Variants in CTNNA3 observed in about 807,000 individuals in gnomAD.
The protein encoded by CTNNA3 is catenin alpha-3.
CTNNA3 carries 76 observed loss-of-function variants against 95.7 expected under a neutral mutation model. The ratio of observed to expected loss-of-function variants is 0.79; its 90% CI spans 0.66 to 0.96. CTNNA3 has a LOEUF of 0.96. Among genes scored for constraint, CTNNA3 ranks in the 40% least tolerant of loss-of-function variants. CTNNA3 has a pLI of 0.00. For synonymous variants in CTNNA3, 431 were observed against 374.4 expected, an observed-to-expected ratio of 1.15 and a Z score of -1.74; for missense variants, 1,191 against 1,089.8, an observed-to-expected ratio of 1.09 and a Z score of -1.31.
intron 13 of CTNNA3, among the ~76,000 whole-genome samples, chr10:66,231,347 T>C (rs72797257): frequency 0.12 from 17,526 of 152,232 alleles, 1,083 homozygotes; most frequent in Middle Eastern, 0.18. Context: ...AGAGGGTTTT[T>C]GATATTTCGT....
intron 13 of CTNNA3, among the ~76,000 whole-genome samples, chr10:66,211,082 A>G (rs1265588208): frequency 6.6e-6 from 1 of 152,162 alleles, no homozygotes; most frequent in Non-Finnish European, 1.5e-5. Context: ...CTGATTTATG[A>G]CCAATGTAAA....
chr10:67,443,444 C>T (rs1365468576), intron 5 of CTNNA3, among the ~76,000 whole-genome samples: 1 of 150,886 alleles, frequency 6.6e-6, no homozygotes, highest in Non-Finnish European at 1.5e-5. Context: ...TCTCCACATC[C>T]TCTCCAGCAC....
intron 7 of CTNNA3, among the ~76,000 whole-genome samples, chr10:67,112,976 G>A (rs1858989068): frequency 6.6e-6 from 1 of 152,052 alleles, no homozygotes; most frequent in Admixed American, 6.6e-5. Flanking sequence ...AGTACTAGAG[G>A]CCTGTAACAC....
At chr10:66,486,848 A>C (rs962207125) in intron 11 of CTNNA3, among the ~76,000 whole-genome samples, 3 of 147,760 alleles carry the variant, frequency 2.0e-5, no homozygotes, top group East Asian at 2.1e-4. Context: ...CACACACACA[A>C]AATGAAATAT....
At chr10:66,642,240 G>A (rs189929673) in intron 9 of CTNNA3, among the ~76,000 whole-genome samples, 3 of 143,738 alleles carry the variant, frequency 2.1e-5, no homozygotes, top group South Asian at 2.2e-4. Flanking sequence ...TTAAAATGTT[G>A]ATATTTCTTT....
At chr10:66,965,540 G>C (rs975983459) in intron 7 of CTNNA3, among the ~76,000 whole-genome samples, 1 of 86,332 alleles carries the variant, frequency 1.2e-5, no homozygotes, top group Non-Finnish European at 2.4e-5. Context: ...TCTCAAAAAA[G>C]AAAGAAAAGA....
chr10:66,128,289 A>G (rs1325439504), intron 13 of CTNNA3, among the ~76,000 whole-genome samples: 1 of 152,188 alleles, frequency 6.6e-6, no homozygotes, highest in African/African-American at 2.4e-5. Flanking sequence ...AAATGAGCTA[A>G]ATTTCTCTGA....
At chr10:66,145,864 T>C (rs1030763490) in intron 13 of CTNNA3, among the ~76,000 whole-genome samples, 6 of 152,188 alleles carry the variant, frequency 3.9e-5, no homozygotes, top group Non-Finnish European at 8.8e-5. Context: ...CTTTCCTTCT[T>C]TTTCTTTTGA....
At chr10:66,135,630 G>A (rs1308137833) in intron 13 of CTNNA3, among the ~76,000 whole-genome samples, 1 of 152,144 alleles carries the variant, frequency 6.6e-6, no homozygotes, top group East Asian at 1.9e-4. Context: ...TTAGGTAAAA[G>A]TGTTGTTGAA....
chr10:67,150,540 C>A (rs568308443), intron 7 of CTNNA3, among the ~76,000 whole-genome samples: 1 of 152,126 alleles, frequency 6.6e-6, no homozygotes, highest in Non-Finnish European at 1.5e-5. Context: ...GATTCTCCAA[C>A]GGAGAATTAA....
chr10:67,619,413 T>C (rs1843756172), intron 2 of CTNNA3, among the ~76,000 whole-genome samples: 1 of 152,116 alleles, frequency 6.6e-6, no homozygotes. Flanking sequence ...TGGATATCCA[T>C]ACACAGAAGA....
At chr10:67,101,129 C>T (rs545468284) in intron 7 of CTNNA3, among the ~76,000 whole-genome samples, 1 of 151,740 alleles carries the variant, frequency 6.6e-6, no homozygotes, top group Admixed American at 6.6e-5. Flanking sequence ...CATACAAGTT[C>T]GTTTGTGAAT....
At chr10:66,974,473 T>C (rs955711731) in intron 7 of CTNNA3, among the ~76,000 whole-genome samples, 3 of 152,210 alleles carry the variant, frequency 2.0e-5, no homozygotes, top group African/African-American at 7.2e-5. Context: ...AACATTTATA[T>C]ACAAGTCATT....
At chr10:67,455,458 T>C (rs561552269) in intron 5 of CTNNA3, among the ~76,000 whole-genome samples, 1 of 152,198 alleles carries the variant, frequency 6.6e-6, no homozygotes, top group African/African-American at 2.4e-5. Flanking sequence ...ACTGCATTAG[T>C]GACTTACTTC....
intron 5 of CTNNA3, among the ~76,000 whole-genome samples, chr10:67,305,243 T>G (rs1025230639): frequency 6.6e-6 from 1 of 152,042 alleles, no homozygotes; most frequent in Non-Finnish European, 1.5e-5. Context: ...GCCACTGCAC[T>G]CCAGCCTGGG....
intron 5 of CTNNA3, among the ~76,000 whole-genome samples, chr10:67,272,991 C>T (rs1034045210): frequency 2.0e-5 from 3 of 152,140 alleles, no homozygotes; most frequent in South Asian, 4.1e-4. Flanking sequence ...CCCTCTCTCA[C>T]ATAAAGTCCC....
At position 66,924,766 on chromosome 10, in the gene CTNNA3, A is replaced by G. The variant is rs919778702; in HGVS notation, c.1048-149242T>C. On this transcript the variant is annotated intron_variant, in intron 7 of 17. Transcript: ENST00000433211. ...TGCAACACACTGTTCTAAGTAACATACAGATATTAAAATGACTTAATTCTC... is the reference window on the plus strand; with the variant it reads ...TGCAACACACTGTTCTAAGTAACATGCAGATATTAAAATGACTTAATTCTC... Among the ~76,000 whole-genome samples the G allele has an allele frequency of 2.0e-5, 3 of 152,242 alleles. No individual in the cohort carries two copies. The East Asian group carries it at 5.8e-4, about 29-fold the overall frequency.
chr10:66,069,458 T>C lies in CTNNA3; in HGVS notation c.2009A>G (p.Lys670Arg). Residue 670 changes from lysine (K) to arginine (R), a missense_variant, in exon 15 of 18, where the codon AAA becomes AGA. Transcript: ENST00000433211. ...AKMTQLPEAE[K>R]EKIAEQVADF... ...AGCAACTTGCTCAGCAATCTTTTCT[T>C]TTTCTGCCTCAGGCAGTTGAGTCAT... The C allele has an allele frequency of 6.2e-7, 1 of 1,613,186 alleles. No individual in the cohort carries two copies. Among genetic ancestry groups the C allele is most frequent in the Non-Finnish European group, 8.5e-7 (1 of 1,179,626 alleles).
At position 66,444,984 on chromosome 10, in the gene CTNNA3, C is replaced by T. The variant is rs550026206; in HGVS notation, c.1532-65632G>A. 8.6e-5 allele frequency among the ~76,000 whole-genome samples: 13 copies of T among 151,914 alleles called. No individual in the cohort carries two copies. In the South Asian group the frequency reaches 2.1e-3, roughly 24 times the overall value. ...AAATAAAAGGATGGAGGAAGATCTA[C>T]CAAGCAAATGGAAAACAAAAAAAGG... On this transcript the variant is annotated intron_variant, in intron 11 of 17. Transcript: ENST00000433211.
Sources: allele counts gnomAD v4.1 joint callset (sites outside exome capture counted in the v4.1 genomes callset), GRCh38; gene constraint gnomAD v4.1.1; transcripts MANE v1.5; gene names NCBI Gene and HGNC (gene_info 2026-07-23, HGNC 2026-07-21).